SYCE1: variants seen among roughly 807,000 people sequenced by gnomAD.
The protein encoded by SYCE1 is synaptonemal complex central element protein 1.
SYCE1 carries 37 observed loss-of-function variants against 55.1 expected under a neutral mutation model. The ratio of observed to expected loss-of-function variants is 0.67; its 90% confidence interval spans 0.52 to 0.88. SYCE1 has a LOEUF of 0.88. SYCE1 is among the 40% of genes least tolerant of loss of function. The pLI is 0.00. For missense variants in SYCE1, 399 were observed against 416.4 expected, an observed-to-expected ratio of 0.96 and a Z score of 0.36; for synonymous variants, 163 against 159.4, an observed-to-expected ratio of 1.02 and a Z score of -0.17.
At chr10:133,566,030 G>C (rs541348802), upstream of SYCE1, among the ~76,000 whole-genome samples, 1 of 152,234 alleles carries the variant, frequency 6.6e-6, no homozygotes, top group Non-Finnish European at 1.5e-5. Flanking sequence ...CCCCCGCTGG[G>C]CCCGCTGTTC....
intron 3 of SYCE1, 136 bp downstream of exon 3, chr10:133,559,165 C>A: frequency 1.9e-6 from 2 of 1,043,024 alleles, no homozygotes; most frequent in Middle Eastern, 2.1e-4. Context: ...ATGCCCTGTA[C>A]TTAATTTAAG....
At chr10:133,561,310 A>G (rs1245761019) in intron 1 of SYCE1, 5 of 152,212 alleles carry the variant, frequency 3.3e-5, no homozygotes, top group Non-Finnish European at 7.3e-5. Flanking sequence ...ATATCCTATC[A>G]GTGCTTGCTA....
At chr10:133,565,848 C>G (rs946158581), upstream of SYCE1, among the ~76,000 whole-genome samples, 1 of 152,250 alleles carries the variant, frequency 6.6e-6, no homozygotes, top group African/African-American at 2.4e-5. Context: ...AGGCCCTCCC[C>G]ACCAACGAGC....
intron 3 of SYCE1, 159 bp downstream of exon 3, chr10:133,559,142 G>T: frequency 1.1e-6 from 1 of 920,626 alleles, no homozygotes; most frequent in Non-Finnish European, 1.7e-6. Flanking sequence ...AACTATGGCA[G>T]TCGCATGCTG....
intron 8 of SYCE1, 83 bp downstream of exon 8, chr10:133,556,676 A>G (rs1851690726): frequency 7.1e-7 from 1 of 1,408,460 alleles, no homozygotes; most frequent in Non-Finnish European, 9.8e-7. Flanking sequence ...TGGTTGTGGC[A>G]GGTGAGAGGA....
upstream of SYCE1, among the ~76,000 whole-genome samples, chr10:133,566,966 G>A (rs1851957362): frequency 6.6e-6 from 1 of 151,700 alleles, no homozygotes; most frequent in Non-Finnish European, 1.5e-5. Flanking sequence ...TTGGGGTGGG[G>A]TAGTGGTAGG....
At chr10:133,568,117 A>G, upstream of SYCE1, 1 of 755,762 alleles carries the variant, frequency 1.3e-6, no homozygotes, top group South Asian at 1.4e-5. Context: ...GCCCCAGGGC[A>G]CTGAGGGCGC....
At chr10:133,556,660 G>T in intron 8 of SYCE1, 99 bp downstream of exon 8, 1 of 1,264,354 alleles carries the variant, frequency 7.9e-7, no homozygotes, top group African/African-American at 1.5e-5. Flanking sequence ...GGGCTTGCTT[G>T]GCGACTGGTT....
downstream of SYCE1, chr10:133,554,448 G>T: frequency 1.1e-6 from 1 of 895,134 alleles, no homozygotes; most frequent in Non-Finnish European, 1.9e-6. Context: ...TTTGAAACAT[G>T]TATCAGATGC....
At chr10:133,554,196 AG>A (rs1359760270), downstream of SYCE1, 2 of 1,138,410 alleles carry the variant, frequency 1.8e-6, no homozygotes, top group African/African-American at 3.0e-5. Flanking sequence ...TGCATCTTAG[AG>A]AACTCGTCTG....
At chr10:133,556,630 T>C (rs1851689683) in intron 8 of SYCE1, 129 bp downstream of exon 8, 1 of 923,840 alleles carries the variant, frequency 1.1e-6, no homozygotes. Flanking sequence ...ATTCAGGCAA[T>C]GTCGATCTTA....
Position 133,555,063 on chromosome 10 carries a change from T to C in SYCE1, c.985A>G (p.Ile329Val), listed in dbSNP as rs1851622270. The change falls in exon 13 of 13, where the codon ATA becomes GTA. Residue 329 changes from isoleucine to valine, a missense_variant. Transcript: ENST00000343131. Reference protein sequence around the residue: ...AAHQAGPDVLIGQEDTLHPDL... With the variant: ...AAHQAGPDVLVGQEDTLHPDL... ...GGGTGGAGTGTGTCCTCCTGGCCTA[T>C]GAGGACATCAGGCCCTGCTTGGTGT... 9 of 1,551,530 alleles carry C rather than the reference T, an allele frequency of 5.8e-6. No homozygotes were observed. In the East Asian group the frequency reaches 2.2e-4, roughly 38 times the overall value.
downstream of SYCE1, chr10:133,554,349 T>C: frequency 6.2e-7 from 1 of 1,613,394 alleles, no homozygotes; most frequent in Non-Finnish European, 8.5e-7. Context: ...AAGGGATCGC[T>C]TTGTCATTAC....
rs775326878 is a variant in SYCE1, at chr10:133,556,826, G to C, written c.465-4C>G. 3.8e-6 allele frequency: 6 copies of C among 1,592,108 alleles called. No homozygotes were observed. On this transcript the variant is annotated splice_region_variant and splice_polypyrimidine_tract_variant and intron_variant, in intron 7 of 12. Transcript: ENST00000343131. ...CAGCTGTTCCTCGAATGCCAACCTG[G>C]GAACCAACCACAGGCATGAGGGGAT...
At chr10:133,565,657 G>A (rs1476359681), upstream of SYCE1, 3 of 867,970 alleles carry the variant, frequency 3.5e-6, no homozygotes, top group African/African-American at 3.4e-5. Context: ...GCCTGGAGAT[G>A]TGAGGTAATT....
intron 1 of SYCE1, among the ~76,000 whole-genome samples, chr10:133,563,666 G>C (rs1851863516): frequency 6.9e-6 from 1 of 144,720 alleles, no homozygotes; most frequent in Non-Finnish European, 1.5e-5. Context: ...CTCCAGCCTG[G>C]GCAACAAAGC....
At chr10:133,567,349 GGTTAGGT>G (rs1851969138), upstream of SYCE1, among the ~76,000 whole-genome samples, 1 of 151,648 alleles carries the variant, frequency 6.6e-6, no homozygotes, top group Admixed American at 6.6e-5. Context: ...TTGAGGTGGG[GGTTAGGT>G]GTTAGGGGTT....
chr10:133,556,758 C>T lies in SYCE1; in HGVS notation c.528+1G>A, dbSNP rs903836496. 4 of 1,561,658 alleles carry T rather than the reference C, an allele frequency of 2.6e-6. No homozygotes were observed. Among genetic ancestry groups the T allele is most frequent in the African/African-American group, 1.4e-5 (1 of 73,512 alleles). ...GGGAGGAGTGGCTTTGAGGGACTCA[C>T]GTGGAAGTCCCAGAGGTCCTTGTGC... is the stretch of plus-strand genomic sequence containing the variant. On this transcript the variant is annotated splice_donor_variant, in intron 8 of 12. Coordinates refer to ENST00000343131, the MANE Select transcript of SYCE1 (RefSeq NM_001143764.3). LOFTEE classifies it high-confidence loss of function.
In SYCE1 at chr10:133,555,587, C is replaced by T. The variant is rs879380721; in HGVS notation, c.830+10G>A. ...GGTGGGGGTTGCGGGGACAGGGCCT[C>T]CACACGCACCTCTGCCGCTTCTGCT... On this transcript the variant is annotated intron_variant, in intron 11 of 12. Transcript: ENST00000343131. 3.1e-6 allele frequency: 5 copies of T among 1,603,022 alleles called. No homozygotes were observed. In the African/African-American group the frequency reaches 6.7e-5, roughly 21 times the overall value.
Sources: allele counts gnomAD v4.1 joint callset (sites outside exome capture counted in the v4.1 genomes callset), GRCh38; gene constraint gnomAD v4.1.1; transcripts MANE v1.5; gene names NCBI Gene and HGNC (gene_info 2026-07-23, HGNC 2026-07-21).